The following PATJ variants were observed in gnomAD, a reference collection of about 807,000 sequenced individuals.
The protein encoded by PATJ is PATJ crumbs cell polarity complex component, also known as inaD-like protein.
PATJ carries 190 observed loss-of-function variants against 224.9 expected under a neutral mutation model. The observed-to-expected ratio is 0.84, with a 90% CI of 0.75 to 0.95. The LOEUF (loss-of-function observed/expected upper bound fraction) is 0.95, where lower values mean the gene tolerates loss of function less well. Ranked by LOEUF, PATJ falls within the 40% of genes least tolerant of loss-of-function variation. The probability of loss-of-function intolerance (pLI) is 0.00; values close to 1 mark genes in which losing one functional copy is unlikely to be tolerated. For synonymous variants in PATJ, 769 were observed against 820.3 expected (o/e 0.94, Z 1.07); for missense variants, 2,121 against 2,270.3 (o/e 0.93, Z 1.34).
At chr1:61,794,102 A>C (rs988769096) in intron 9 of PATJ, among the ~76,000 whole-genome samples, 4 of 151,896 alleles carry the variant, frequency 2.6e-5, no homozygotes, top group Non-Finnish European at 4.4e-5. Flanking sequence ...GGGTTTTGCC[A>C]TGTTGGCCAG....
At chr1:62,112,521 A>T (rs975104853) in intron 34 of PATJ, among the ~76,000 whole-genome samples, 4 of 152,180 alleles carry the variant, frequency 2.6e-5, no homozygotes, top group African/African-American at 9.7e-5. Flanking sequence ...AAAAAAAGAA[A>T]AAGCCTTAGA....
chr1:62,148,341 G>A lies in PATJ; in HGVS notation c.5329G>A (p.Gly1777Ser). ...AGCTCAGCTTGAAAACATGTCTACA[G>A]GCTACCACCTTGGTTCGCCCACTGC... is the stretch of plus-strand genomic sequence containing the variant. ...IAAQLENMSTGYHLGSPTAEH... is the reference protein window; with the variant it reads ...IAAQLENMSTSYHLGSPTAEH... Residue 1777 changes from glycine to serine, a missense_variant, in exon 42 of 44, where the codon GGC (glycine) becomes AGC (serine). Physicochemically the swap from Gly to Ser is moderately conservative, Grantham distance 56. Coordinates refer to ENST00000642238, the MANE Select transcript of PATJ (RefSeq NM_001350145.3). The A allele has an allele frequency of 6.2e-7, 1 of 1,613,900 alleles. No homozygotes were observed.
intron 28 of PATJ, among the ~76,000 whole-genome samples, chr1:61,994,275 G>A (rs547100657): frequency 6.0e-4 from 91 of 152,310 alleles, no homozygotes; most frequent in African/African-American, 2.1e-3. Flanking sequence ...TGCCCTCACA[G>A]AGCTTCCAGT....
intron 37 of PATJ, among the ~76,000 whole-genome samples, chr1:62,119,436 C>T (rs948448582): frequency 1.5e-4 from 23 of 152,098 alleles, no homozygotes; most frequent in Non-Finnish European, 3.2e-4. Context: ...TTCTTTTGAG[C>T]GCTAAGGAGA....
chr1:61,912,650 A>G (rs1295745953), intron 25 of PATJ, among the ~76,000 whole-genome samples: 7 of 119,198 alleles, frequency 5.9e-5, no homozygotes, highest in Non-Finnish European at 1.2e-4. Context: ...AGAGAGAGAG[A>G]GGGAGGGAAG....
At chr1:61,900,205 C>T (rs1388512810) in intron 23 of PATJ, among the ~76,000 whole-genome samples, 1 of 152,098 alleles carries the variant, frequency 6.6e-6, no homozygotes, top group African/African-American at 2.4e-5. Flanking sequence ...CTCTGTATTC[C>T]GTGTCCATTA....
chr1:61,869,578 C>G (rs1226375349), intron 20 of PATJ, among the ~76,000 whole-genome samples: 1 of 152,144 alleles, frequency 6.6e-6, no homozygotes, highest in Non-Finnish European at 1.5e-5. Context: ...AGGCTTTTTT[C>G]TGCATCTGTT....
intron 27 of PATJ, among the ~76,000 whole-genome samples, chr1:61,974,820 GT>G (rs1644040872): frequency 6.6e-6 from 1 of 152,060 alleles, no homozygotes; most frequent in Non-Finnish European, 1.5e-5. Context: ...GGATGATATT[GT>G]TTTGCCATTC....
At chr1:62,138,057 C>T (rs1474288070) in intron 41 of PATJ, among the ~76,000 whole-genome samples, 2 of 152,156 alleles carry the variant, frequency 1.3e-5, no homozygotes, top group Admixed American at 6.5e-5. Flanking sequence ...CCAGGGGTCT[C>T]CTCCACCTCA....
intron 27 of PATJ, among the ~76,000 whole-genome samples, chr1:61,960,049 A>T (rs1189339355): frequency 1.3e-5 from 2 of 152,048 alleles, no homozygotes; most frequent in Non-Finnish European, 2.9e-5. Context: ...TAAGTAAATG[A>T]TGTTTCATGG....
At chr1:61,754,685 C>A (rs914620089) in intron 1 of PATJ, among the ~76,000 whole-genome samples, 2 of 151,960 alleles carry the variant, frequency 1.3e-5, no homozygotes, top group African/African-American at 4.8e-5. Flanking sequence ...AAGCTTTAAT[C>A]TTCTTCCCTA....
At chr1:61,829,451 A>G (rs1362458187) in intron 16 of PATJ, among the ~76,000 whole-genome samples, 1 of 152,160 alleles carries the variant, frequency 6.6e-6, no homozygotes, top group East Asian at 1.9e-4. Flanking sequence ...AAGGTGTGTA[A>G]ATCACAAACC....
intron 27 of PATJ, among the ~76,000 whole-genome samples, chr1:61,982,025 G>T (rs1349273291): frequency 9.2e-5 from 14 of 152,078 alleles, no homozygotes; most frequent in Admixed American, 9.2e-4. Flanking sequence ...GTATAGGGCA[G>T]GACACCTGTC....
At chr1:62,003,622 G>A (rs909383268) in intron 28 of PATJ, among the ~76,000 whole-genome samples, 1 of 152,150 alleles carries the variant, frequency 6.6e-6, no homozygotes, top group African/African-American at 2.4e-5. Context: ...AGAAGTGGCT[G>A]CTTGTTGTAC....
chr1:62,090,507 C>G (rs1413174931), intron 33 of PATJ, among the ~76,000 whole-genome samples: 1 of 151,990 alleles, frequency 6.6e-6, no homozygotes, highest in African/African-American at 2.4e-5. Flanking sequence ...CCTCTGGAAG[C>G]CAGAAAAGAG....
At chr1:61,938,370 G>A (rs1251620701) in intron 27 of PATJ, among the ~76,000 whole-genome samples, 1 of 138,476 alleles carries the variant, frequency 7.2e-6, no homozygotes, top group African/African-American at 3.4e-5. Context: ...TAGTAGAGAG[G>A]GTGGGGTGTT....
intron 20 of PATJ, 31 bp downstream of exon 20, chr1:61,864,664 C>T (rs1288755978): frequency 6.4e-7 from 1 of 1,551,352 alleles, no homozygotes; most frequent in South Asian, 1.2e-5. Context: ...TTCCACACCT[C>T]CCCTTCTGCT....
intron 15 of PATJ, among the ~76,000 whole-genome samples, chr1:61,826,959 A>T (rs775482117): frequency 6.6e-6 from 1 of 152,172 alleles, no homozygotes; most frequent in Non-Finnish European, 1.5e-5. Context: ...TAAATTAAAC[A>T]TTTTTTTAAC....
intron 14 of PATJ, among the ~76,000 whole-genome samples, chr1:61,810,427 G>T (rs1181970842): frequency 2.0e-5 from 3 of 151,962 alleles, no homozygotes; most frequent in Non-Finnish European, 4.4e-5. Context: ...AGCTGGGTGT[G>T]GTGGCTCACA....
Sources: allele counts gnomAD v4.1 joint callset (sites outside exome capture counted in the v4.1 genomes callset), GRCh38; gene constraint gnomAD v4.1.1; transcripts MANE v1.5; gene names NCBI Gene and HGNC (gene_info 2026-07-23, HGNC 2026-07-21).